SEC16A: variants seen among roughly 807,000 people sequenced by gnomAD.
SEC16A encodes the protein SEC16 homolog A, endoplasmic reticulum export factor.
Under a neutral mutation model 221.9 loss-of-function variants are expected in SEC16A, and 110 were observed. The ratio of observed to expected loss-of-function variants is 0.50; its 90% CI spans 0.42 to 0.58. The LOEUF (loss-of-function observed/expected upper bound fraction) is 0.58. Ranked by LOEUF, SEC16A falls within the 20% of genes least tolerant of loss-of-function variation. The pLI, the probability that SEC16A is intolerant of heterozygous loss-of-function variation, is 0.00. For missense variants in SEC16A, 3,165 were observed against 3,097.8 expected, an observed-to-expected ratio of 1.02 and a Z score of -0.52; for synonymous variants, 1,393 against 1,257.7, an observed-to-expected ratio of 1.11 and a Z score of -2.28.
In SEC16A at chr9:136,476,959, C is replaced by T. The variant is rs764500487; in HGVS notation, c.657G>A (p.Gln219=). Residue 219 remains glutamine, a synonymous_variant, in exon 3 of 32, where the codon CAG becomes CAA. Coordinates refer to ENST00000684901, the MANE Select transcript of SEC16A (RefSeq NM_014866.2). ...LQMPGQWGPV[Q]GGPQPSGQHR... ...GTTGCCCCGAGGGCTGTGGGCCTCC[C>T]TGCACTGGCCCCCACTGTCCTGGCA... The T allele has an allele frequency of 1.2e-6, 2 of 1,613,038 alleles. No homozygotes were observed. The highest frequency in any genetic ancestry group is 1.7e-6 in the Non-Finnish European group (2 of 1,179,840).
At chr9:136,479,833 T>C (rs1056165489) in intron 1 of SEC16A, among the ~76,000 whole-genome samples, 4 of 151,524 alleles carry the variant, frequency 2.6e-5, no homozygotes, top group African/African-American at 9.7e-5. Flanking sequence ...CACACAGCGA[T>C]ACCCCATCAC....
chr9:136,462,581 C>G (rs77729632), intron 12 of SEC16A, among the ~76,000 whole-genome samples: 2,661 of 152,310 alleles, frequency 0.017, 45 homozygotes, highest in Middle Eastern at 0.051. Context: ...ACATTTCATC[C>G]GAGATTTGGC....
rs201016083 is a variant in SEC16A at position 136,448,357 on chromosome 9, G to A, written c.6313-196C>T. ...GATGGAGGTGGGGAGCAGATCCACA[G>A]AGACACCAGGAGGATGGAGGTGGGG... On this transcript the variant is annotated intron_variant, in intron 23 of 31. Transcript: ENST00000684901. 1.7e-4 allele frequency: 120 copies of A among 706,284 alleles called. 1 individual carries two copies. The highest frequency in any genetic ancestry group is 2.9e-4 in the Non-Finnish European group (111 of 384,228). The allele number at this position is 706,284 out of a possible 1,614,324, so 43.8% of individuals were successfully genotyped here.
At position 136,449,862 on chromosome 9, in the gene SEC16A, A is replaced by T. The variant is rs1477119416; in HGVS notation, c.6312+1394T>A. Among the ~76,000 whole-genome samples the T allele has an allele frequency of 2.6e-5, 4 of 152,190 alleles. No individual in the cohort carries two copies. The East Asian group carries it at 7.7e-4, about 29-fold the overall frequency. ...TCAAGACAGCAGCCATAAAAGAAAA[A>T]TCTGATCACTGAACTTTATTAAAAT... On this transcript the variant is annotated intron_variant, in intron 23 of 31. Coordinates refer to ENST00000684901, the MANE Select transcript of SEC16A (RefSeq NM_014866.2).
Position 136,476,362 on chromosome 9 carries a change from C to G in SEC16A, c.1254G>C (p.Val418=), listed in dbSNP as rs570399253. The G allele has an allele frequency of 9.5e-5, 153 of 1,612,832 alleles. No individual in the cohort carries two copies. In the African/African-American group the frequency reaches 9.6e-4, roughly 10 times the overall value. ...GLGRPPAPTH[V]GAGSLCQALL... ...GGGCCTGGCAGAGGCTGCCTGCCCC[C>G]ACGTGTGTAGGTGCGGGCGGACGGC... is the stretch of plus-strand genomic sequence containing the variant. The change falls in exon 3 of 32, where the codon GTG becomes GTC. Residue 418 remains valine, a synonymous_variant. Transcript: ENST00000684901.
At chr9:136,471,240 G>C (rs1840820340) in intron 4 of SEC16A, among the ~76,000 whole-genome samples, 3 of 151,988 alleles carry the variant, frequency 2.0e-5, no homozygotes, top group African/African-American at 7.3e-5. Flanking sequence ...ACCAGGGCAG[G>C]AGGATCCCTT....
chr9:136,444,256 A>T (rs893936619), intron 30 of SEC16A, among the ~76,000 whole-genome samples: 7 of 152,126 alleles, frequency 4.6e-5, no homozygotes, highest in African/African-American at 7.2e-5. Flanking sequence ...TTGCAGGCGG[A>T]AGGGTCGCTG....
chr9:136,465,889 G>A (rs1325638163), intron 8 of SEC16A, 73 bp downstream of exon 8: 70 of 1,454,800 alleles, frequency 4.8e-5, no homozygotes, highest in Non-Finnish European at 5.8e-5. Context: ...CCTGACTCCC[G>A]TGTTCAGATG....
chr9:136,476,379 G>A lies in SEC16A; in HGVS notation c.1237C>T (p.Pro413Ser). The A allele has an allele frequency of 6.2e-7, 1 of 1,612,856 alleles. No homozygotes were observed. The highest frequency in any genetic ancestry group is 8.5e-7 in the Non-Finnish European group (1 of 1,179,892). Residue 413 changes from proline (P) to serine (S), a missense_variant, in exon 3 of 32, where the codon CCC (proline) becomes TCC (serine). This residue lies in a region of SEC16A where 2,030 missense variants were observed against 1,923.1 expected (regional missense o/e 1.06). Coordinates refer to ENST00000684901, the MANE Select transcript of SEC16A (RefSeq NM_014866.2). ...CCTGCCCCCACGTGTGTAGGTGCGG[G>A]CGGACGGCCTAGCCCAGGGCTGGAG... is the stretch of plus-strand genomic sequence containing the variant. ...FCSSPGLGRP[P>S]APTHVGAGSL...
At position 136,447,028 on chromosome 9, in the gene SEC16A, G is replaced by C. The variant is rs1312459542; in HGVS notation, c.6698-79C>G. 1 of 1,604,246 alleles carries C rather than the reference G, an allele frequency of 6.2e-7. No homozygotes were observed. Among genetic ancestry groups the C allele is most frequent in the Non-Finnish European group, 8.5e-7 (1 of 1,176,078 alleles). On this transcript the variant is annotated intron_variant, in intron 27 of 31. Coordinates refer to ENST00000684901, the MANE Select transcript of SEC16A (RefSeq NM_014866.2). This position sits in a 1 kb window ranked among gnomAD's most constrained non-coding sequence, Gnocchi z 5.5. ...CTCACTGAAGACACTCCGAGAGGAAGAGAGTTTCACACTGCACACGCGGCA... is the reference window on the plus strand; with the variant it reads ...CTCACTGAAGACACTCCGAGAGGAACAGAGTTTCACACTGCACACGCGGCA...
rs756149286 is a variant in SEC16A, at chr9:136,463,118, G to T, written c.4662C>A (p.Thr1554=). 6.2e-7 allele frequency: 1 copy of T among 1,610,392 alleles called. No homozygotes were observed. Among genetic ancestry groups the T allele is most frequent in the South Asian group, 1.1e-5 (1 of 91,082 alleles). ...LCRQNGTVVG[T]DIAELLLRDH... is the part of the protein sequence containing the mutation. ...CTCGTAACAGAAGCTCCGCAATGTC[G>T]GTCCCTACCACGGTCTGTTTGGGTC... Residue 1554 remains threonine, a synonymous_variant, in exon 12 of 32, where the codon ACC becomes ACA. Transcript: ENST00000684901.
chr9:136,468,937 C>T (rs7853084), intron 4 of SEC16A, among the ~76,000 whole-genome samples: 2 of 152,158 alleles, frequency 1.3e-5, no homozygotes, highest in African/African-American at 2.4e-5. Context: ...ACAACCTCCA[C>T]CTCCCAGGCT....
Position 136,475,707 on chromosome 9 carries a change from C to T in SEC16A, c.1909G>A (p.Glu637Lys), listed in dbSNP as rs1309557085. 1.2e-6 allele frequency: 2 copies of T among 1,613,388 alleles called. No homozygotes were observed. The highest frequency in any genetic ancestry group is 1.7e-6 in the Non-Finnish European group (2 of 1,179,660). The change falls in exon 3 of 32, where the codon GAG (glutamate) becomes AAG (lysine). Residue 637 changes from glutamate to lysine, a missense_variant. Around this residue, in one of 3 missense-constraint regions of SEC16A, gnomAD observed 2,030 missense variants for 1,923.1 expected, o/e 1.06. Transcript: ENST00000684901. The surrounding 1 kb of genome is among the most constrained non-coding windows in gnomAD (Gnocchi z 5.0). ...CACTGCTTCTGGCGGACACAGGTCT[C>T]CCTTACTTCACCAACCACGTTGGCG... The part of the protein sequence containing the change: ...DRANVVGEVR[E>K]TCVRQKQCRP...
intron 1 of SEC16A, among the ~76,000 whole-genome samples, chr9:136,480,593 T>C (rs1842195403): frequency 6.6e-6 from 1 of 152,180 alleles, no homozygotes; most frequent in Admixed American, 6.5e-5. Context: ...TAATCCCACC[T>C]GCTGTTTAAC....
chr9:136,461,192 G>A lies in SEC16A; in HGVS notation c.4976C>T (p.Ala1659Val), dbSNP rs371441025. 1 of 1,606,168 alleles carries A rather than the reference G, an allele frequency of 6.2e-7. No homozygotes were observed. The highest frequency in any genetic ancestry group is 8.5e-7 in the Non-Finnish European group (1 of 1,176,504). ...LASKMDSRTH[A>V]RVMTRFANSL... ...GGGACTGTACCTGGTCATGACTCGG[G>A]CGTGTGTCCGGCTGTCCATCTTACT... The change falls in exon 13 of 32, where the codon GCC becomes GTC. Residue 1659 changes from alanine to valine, a missense_variant. Around this residue, in one of 3 missense-constraint regions of SEC16A, gnomAD observed 1,088 missense variants for 1,089.6 expected, o/e 1.00. Transcript: ENST00000684901.
In SEC16A at chr9:136,477,674, C is replaced by A; in HGVS notation, c.-59G>T. 6.7e-7 allele frequency: 1 copy of A among 1,486,902 alleles called. No homozygotes were observed. The allele number at this position is 1,486,902 out of a possible 1,614,324, so 92.1% of individuals were successfully genotyped here. A position where few individuals can be genotyped will look rare whatever the true frequency, so the allele number is the denominator to read the frequency against. On this transcript the variant is annotated 5_prime_UTR_variant, in exon 3 of 32. In the 5' UTR this introduces an upstream ATG that the reference lacks. Coordinates refer to ENST00000684901, the MANE Select transcript of SEC16A (RefSeq NM_014866.2). ...AGAAGGAAGCAGGATATAGCTGTTC[C>A]TTAATTGGAGCTGGAAAAGAAAAAG...
chr9:136,452,565 G>A (rs1380430029), intron 22 of SEC16A, among the ~76,000 whole-genome samples: 1 of 149,508 alleles, frequency 6.7e-6, no homozygotes, highest in African/African-American at 2.5e-5. Flanking sequence ...AGGAGTTCGA[G>A]ACTAGCCTGG....
Position 136,472,020 on chromosome 9 carries a change from C to A in SEC16A, c.3659G>T (p.Arg1220Leu), listed in dbSNP as rs776597126. ...GGAGTGGCTGGCTCGGGAGCTGGGCCGCTCGGGCTCGGGATAGCGGTAGTT... is the reference window on the plus strand; with the variant it reads ...GGAGTGGCTGGCTCGGGAGCTGGGCAGCTCGGGCTCGGGATAGCGGTAGTT... ...AQNYRYPEPE[R>L]PSSRASHSSE... Residue 1220 changes from arginine to leucine, a missense_variant, in exon 4 of 32, where the codon CGG (arginine) becomes CTG (leucine). Arg to Leu is a moderately radical substitution (Grantham distance 102). This residue lies in a region of SEC16A where 2,030 missense variants were observed against 1,923.1 expected (regional missense o/e 1.06). Coordinates refer to ENST00000684901, the MANE Select transcript of SEC16A (RefSeq NM_014866.2). 2 of 1,611,730 alleles carry A rather than the reference C, an allele frequency of 1.2e-6. No individual in the cohort carries two copies. Among genetic ancestry groups the A allele is most frequent in the African/African-American group, 1.3e-5 (1 of 74,930 alleles).
At chr9:136,484,317 C>G (rs911600666), upstream of SEC16A, 7 of 1,099,994 alleles carry the variant, frequency 6.4e-6, no homozygotes, top group African/African-American at 1.2e-4. Context: ...GCTCCTGTGC[C>G]TGCCACGGCC....
Sources: allele counts gnomAD v4.1 joint callset (sites outside exome capture counted in the v4.1 genomes callset), GRCh38; gene constraint gnomAD v4.1.1; regional missense constraint gnomAD v4.1.1; non-coding constraint Gnocchi (gnomAD v3.1); transcripts MANE v1.5; gene names NCBI Gene and HGNC (gene_info 2026-07-23, HGNC 2026-07-21).